The following TBC1D5 variants were observed in gnomAD, a reference collection of about 807,000 sequenced individuals.
The protein encoded by TBC1D5 is TBC1 domain family member 5.
In TBC1D5, 75 loss-of-function variants were observed where a neutral mutation model predicts 100.3. That is an observed-to-expected ratio of 0.75 (90% CI 0.62 to 0.91). The LOEUF (loss-of-function observed/expected upper bound fraction) is 0.91, where lower values mean the gene tolerates loss of function less well. Among genes scored for constraint, TBC1D5 ranks in the 40% least tolerant of loss-of-function variants. TBC1D5 has a pLI of 0.00. For missense variants in TBC1D5, 910 were observed against 942.4 expected (o/e 0.97, Z 0.45); for synonymous variants, 323 against 325.6 (o/e 0.99, Z 0.09).
At chr3:17,687,371 G>A (rs2070454911) in intron 1 of TBC1D5, among the ~76,000 whole-genome samples, 1 of 152,080 alleles carries the variant, frequency 6.6e-6, no homozygotes, top group Middle Eastern at 3.2e-3. Flanking sequence ...TGACAAAAAT[G>A]TATGTTTCCT....
chr3:17,428,051 G>A (rs1284723019), intron 4 of TBC1D5, among the ~76,000 whole-genome samples: 2 of 151,778 alleles, frequency 1.3e-5, no homozygotes, highest in Non-Finnish European at 3.0e-5. Context: ...AGCTCTCTTA[G>A]GCGCTCATGA....
chr3:17,506,769 T>TAA (rs1015002256), intron 3 of TBC1D5, among the ~76,000 whole-genome samples: 1 of 145,110 alleles, frequency 6.9e-6, no homozygotes, highest in Non-Finnish European at 1.5e-5. Flanking sequence ...TTAACCAGGT[T>TAA]AAAAAAAAAA....
At chr3:17,627,283 T>C (rs1008985792) in intron 1 of TBC1D5, among the ~76,000 whole-genome samples, 3 of 152,152 alleles carry the variant, frequency 2.0e-5, no homozygotes, top group African/African-American at 7.2e-5. Flanking sequence ...GGCAAGACGA[T>C]GCTTCCAGTT....
intron 8 of TBC1D5, among the ~76,000 whole-genome samples, chr3:17,386,475 T>C (rs1235301031): frequency 6.6e-6 from 1 of 152,118 alleles, no homozygotes; most frequent in Non-Finnish European, 1.5e-5. Context: ...CCTTACATAT[T>C]TTAAGTTCAG....
intron 16 of TBC1D5, among the ~76,000 whole-genome samples, chr3:17,257,186 G>A (rs1431582947): frequency 6.6e-6 from 1 of 152,072 alleles, no homozygotes; most frequent in African/African-American, 2.4e-5. Flanking sequence ...GTGGGGGTTG[G>A]GAGGGAGGGG....
At chr3:17,167,046 A>G (rs1575697022) in intron 20 of TBC1D5, 118 bp from the exon 22 acceptor site, 1 of 967,460 alleles carries the variant, frequency 1.0e-6, no homozygotes, top group Non-Finnish European at 1.4e-6. Context: ...TATAGTATGA[A>G]TATTAATATT....
intron 13 of TBC1D5, among the ~76,000 whole-genome samples, chr3:17,334,274 A>G (rs907460853): frequency 6.6e-6 from 1 of 152,150 alleles, no homozygotes; most frequent in African/African-American, 2.4e-5. Context: ...CACCTGAAGG[A>G]TAGAGGAATC....
chr3:17,321,725 G>A (rs1209081105), intron 13 of TBC1D5, among the ~76,000 whole-genome samples: 1 of 152,118 alleles, frequency 6.6e-6, no homozygotes, highest in Non-Finnish European at 1.5e-5. Context: ...ATGATTTTCT[G>A]TGCTAGTTCT....
rs946044698 is a variant in TBC1D5 at position 17,299,727 on chromosome 3, C to T, written c.1139-7726G>A. 4.0e-5 allele frequency among the ~76,000 whole-genome samples: 6 copies of T among 151,786 alleles called. No individual in the cohort carries two copies. The East Asian group carries it at 5.8e-4, about 15-fold the overall frequency. On this transcript the variant is annotated intron_variant, in intron 14 of 21. Coordinates refer to ENST00000253692, the Ensembl canonical transcript of TBC1D5. ...CAAAAAAATTAGCTGGATGTGGTGGCGGGCGCCTGTAGTCCCAGCTATTCA... is the reference window on the plus strand; with the variant it reads ...CAAAAAAATTAGCTGGATGTGGTGGTGGGCGCCTGTAGTCCCAGCTATTCA...
chr3:17,213,963 G>A (rs2073300350), intron 18 of TBC1D5, among the ~76,000 whole-genome samples: 1 of 148,642 alleles, frequency 6.7e-6, no homozygotes, highest in Non-Finnish European at 1.5e-5. Flanking sequence ...AAAGGACTGG[G>A]ATTTGGGAAA....
chr3:17,741,488 T>A (rs564326493), upstream of TBC1D5, among the ~76,000 whole-genome samples: 3 of 152,240 alleles, frequency 2.0e-5, no homozygotes, highest in African/African-American at 2.4e-5. Context: ...ACAACACTTA[T>A]AAAGGTTTAC....
In TBC1D5 at chr3:17,630,937, G is replaced by A. The variant is rs149979118; in HGVS notation, c.-100-7024C>T. Among the ~76,000 whole-genome samples the A allele has an allele frequency of 8.5e-4, 128 of 150,862 alleles. 1 individual carries two copies. The East Asian group carries it at 0.019, about 23-fold the overall frequency. On this transcript the variant is annotated intron_variant, in intron 1 of 21. Transcript: ENST00000253692. ...CGGGGGCCTGTAGTCCCAGCTACTC[G>A]GGAGGATGAAGCAGGAGAATGGTGT... is the stretch of plus-strand genomic sequence containing the variant.
intron 2 of TBC1D5, among the ~76,000 whole-genome samples, chr3:17,512,898 T>C (rs968136727): frequency 1.6e-4 from 25 of 152,188 alleles, no homozygotes; most frequent in African/African-American, 5.5e-4. Flanking sequence ...GAGTATTAAA[T>C]CTTAAAAGTG....
chr3:17,276,378 T>A (rs1418648171), intron 15 of TBC1D5, among the ~76,000 whole-genome samples: 1 of 152,172 alleles, frequency 6.6e-6, no homozygotes, highest in African/African-American at 2.4e-5. Flanking sequence ...CACAAACACC[T>A]AGACCCTAAC....
intron 20 of TBC1D5, 52 bp downstream of exon 21, chr3:17,167,697 C>G: frequency 6.4e-7 from 1 of 1,550,866 alleles, no homozygotes; most frequent in Non-Finnish European, 8.9e-7. Flanking sequence ...CTGGGGGGCC[C>G]TCCCCGCGGC....
chr3:17,448,162 TAC>T (rs759926488), intron 3 of TBC1D5, among the ~76,000 whole-genome samples: 17 of 152,178 alleles, frequency 1.1e-4, no homozygotes, highest in Non-Finnish European at 2.4e-4. Flanking sequence ...CCTCATTCAT[TAC>T]AGTTTTATCA....
chr3:17,742,383 G>C, upstream of TBC1D5: 1 of 153,128 alleles, frequency 6.5e-6, no homozygotes, highest in Non-Finnish European at 1.5e-5. Flanking sequence ...GTGGGAGGCC[G>C]GGGCGGGAAC....
chr3:17,459,387 G>T (rs879329238), intron 3 of TBC1D5, among the ~76,000 whole-genome samples: 3 of 152,148 alleles, frequency 2.0e-5, no homozygotes, highest in Non-Finnish European at 4.4e-5. Context: ...ATCTAAAGTC[G>T]CTACTGATCT....
intron 13 of TBC1D5, among the ~76,000 whole-genome samples, chr3:17,352,004 CA>C (rs967887599): frequency 5.0e-4 from 69 of 137,770 alleles, no homozygotes; most frequent in Middle Eastern, 3.6e-3. Context: ...AGAAACATGT[CA>C]AAAAAAAAAA....
Sources: gnomAD v4.1 joint callset for allele counts (sites outside exome capture counted in the v4.1 genomes callset) on GRCh38, gnomAD v4.1.1 for gene constraint, MANE v1.5 for transcripts, NCBI Gene and HGNC (gene_info 2026-07-23, HGNC 2026-07-21) for gene names.